Variants in KBTBD12 observed in about 807,000 individuals in gnomAD.
KBTBD12 encodes the protein kelch repeat and BTB domain-containing protein 12.
A neutral mutation model predicts 58.7 loss-of-function variants in KBTBD12; 53 were observed. The ratio of observed to expected loss-of-function variants is 0.90; its 90% CI spans 0.72 to 1.14. The LOEUF is 1.14. KBTBD12 is among the 50% of genes most tolerant of loss of function. The pLI is 0.00. For missense variants in KBTBD12, 704 were observed against 751.3 expected (o/e 0.94, Z 0.74); for synonymous variants, 236 against 259.8 (o/e 0.91, Z 0.88).
chr3:127,944,124 C>G (rs1321924404), intron 4 of KBTBD12, among the ~76,000 whole-genome samples: 2 of 152,136 alleles, frequency 1.3e-5, no homozygotes, highest in African/African-American at 4.8e-5. Context: ...GTTGGTGACT[C>G]TAACTTTGTT....
At chr3:127,937,240 G>C (rs1939849715) in intron 4 of KBTBD12, among the ~76,000 whole-genome samples, 1 of 152,016 alleles carries the variant, frequency 6.6e-6, no homozygotes, top group African/African-American at 2.4e-5. Flanking sequence ...CATACTGGAA[G>C]TGTCAGACAA....
intron 5 of KBTBD12, among the ~76,000 whole-genome samples, chr3:127,967,572 A>G (rs1456755998): frequency 6.6e-6 from 1 of 152,202 alleles, no homozygotes; most frequent in Admixed American, 6.5e-5. Context: ...AGGCAGAAGT[A>G]ATATAAAAAG....
intron 5 of KBTBD12, among the ~76,000 whole-genome samples, chr3:127,972,100 C>T (rs578066729): frequency 6.6e-6 from 1 of 152,174 alleles, no homozygotes; most frequent in Non-Finnish European, 1.5e-5. Context: ...CTGACAGTTA[C>T]CTGGTTACCC....
At chr3:127,945,914 A>G (rs866686019) in intron 4 of KBTBD12, among the ~76,000 whole-genome samples, 1 of 151,118 alleles carries the variant, frequency 6.6e-6, no homozygotes, top group Non-Finnish European at 1.5e-5. Context: ...CCTGGACTCA[A>G]ATGATCTGCC....
intron 5 of KBTBD12, among the ~76,000 whole-genome samples, chr3:127,965,878 C>A (rs1300483772): frequency 6.6e-6 from 1 of 152,024 alleles, no homozygotes; most frequent in Non-Finnish European, 1.5e-5. Context: ...TAACTGGCAA[C>A]AGAAAAAACA....
chr3:127,969,427 A>G (rs1428945730), intron 5 of KBTBD12, among the ~76,000 whole-genome samples: 1 of 152,206 alleles, frequency 6.6e-6, no homozygotes, highest in Non-Finnish European at 1.5e-5. Context: ...AAAATTCTAT[A>G]TAAATGGTAA....
At chr3:127,929,593 T>A (rs1681459521) in intron 3 of KBTBD12, among the ~76,000 whole-genome samples, 1 of 152,138 alleles carries the variant, frequency 6.6e-6, no homozygotes, top group South Asian at 2.1e-4. Flanking sequence ...TATTAGTCAA[T>A]AAATCTTGAA....
At chr3:127,963,478 C>T in intron 5 of KBTBD12, 92 bp downstream of exon 5, 2 of 1,194,654 alleles carry the variant, frequency 1.7e-6, no homozygotes, top group Non-Finnish European at 2.3e-6. Context: ...TTCCTGAGAG[C>T]AACGTGAGCA....
intron 4 of KBTBD12, among the ~76,000 whole-genome samples, chr3:127,951,931 T>C (rs1033931224): frequency 9.9e-5 from 15 of 151,910 alleles, no homozygotes; most frequent in Non-Finnish European, 2.1e-4. Context: ...ACTGTTTGAG[T>C]TCTCAGTAGT....
intron 1 of KBTBD12, among the ~76,000 whole-genome samples, chr3:127,916,767 A>G (rs765260680): frequency 1.3e-5 from 2 of 151,980 alleles, no homozygotes; most frequent in South Asian, 2.1e-4. Context: ...AAGCCAATAC[A>G]TGGCTTCAGT....
intron 4 of KBTBD12, among the ~76,000 whole-genome samples, chr3:127,952,542 A>T (rs1940229438): frequency 6.6e-6 from 1 of 152,344 alleles, no homozygotes; most frequent in Non-Finnish European, 1.5e-5. Flanking sequence ...TAGATTTTAC[A>T]TACAAGACTA....
chr3:127,927,875 G>T lies in KBTBD12; in HGVS notation c.1182G>T (p.Met394Ile), dbSNP rs776731737. The change falls in exon 3 of 6, where the codon ATG (methionine) becomes ATT (isoleucine). Residue 394 changes from methionine to isoleucine, a missense_variant. Transcript: ENST00000405109. The stretch of plus-strand genomic sequence containing the variant: ...ACCTTTATGTTATAGGAGGACAGAT[G>T]AAAATTAAAAACCAGTATCTTATTA... Reference protein sequence around the residue: ...HNDLYVIGGQMKIKNQYLITN... With the variant: ...HNDLYVIGGQIKIKNQYLITN... 3 of 1,613,420 alleles carry T rather than the reference G, an allele frequency of 1.9e-6. No individual in the cohort carries two copies. The highest frequency in any genetic ancestry group is 2.2e-5 in the South Asian group (2 of 91,038).
chr3:127,918,753 AG>A (rs1939322597), intron 1 of KBTBD12, among the ~76,000 whole-genome samples: 1 of 152,092 alleles, frequency 6.6e-6, no homozygotes, highest in Non-Finnish European at 1.5e-5. Context: ...AGCGTGTTAA[AG>A]GCCCATATGC....
Position 127,984,342 on chromosome 3 carries a change from A to C in KBTBD12, c.*64A>C. On this transcript the variant is annotated 3_prime_UTR_variant, in exon 6 of 6. Transcript: ENST00000405109. ...AAGGCCTTCAGAACGGAGAGGGCCC[A>C]CAGCATCTCTGTCATGCCAGTCATG... 1 of 1,431,708 alleles carries C rather than the reference A, an allele frequency of 7.0e-7. No individual in the cohort carries two copies. Among genetic ancestry groups the C allele is most frequent in the Non-Finnish European group, 9.7e-7 (1 of 1,033,258 alleles). The allele number at this position is 1,431,708 out of a possible 1,614,324, so 88.7% of individuals were successfully genotyped here.
At chr3:127,928,609 C>G (rs748280394) in intron 3 of KBTBD12, among the ~76,000 whole-genome samples, 2 of 152,212 alleles carry the variant, frequency 1.3e-5, no homozygotes, top group Non-Finnish European at 2.9e-5. Context: ...AGTGAAAAGT[C>G]AGGGGTGTGT....
intron 5 of KBTBD12, among the ~76,000 whole-genome samples, chr3:127,970,666 A>G (rs1163616581): frequency 1.3e-5 from 2 of 152,258 alleles, no homozygotes; most frequent in African/African-American, 2.4e-5. Flanking sequence ...CATTATGCTA[A>G]GTGAAAGAAG....
chr3:127,937,565 T>G (rs1194456965), intron 4 of KBTBD12, among the ~76,000 whole-genome samples: 1 of 151,798 alleles, frequency 6.6e-6, no homozygotes, highest in Non-Finnish European at 1.5e-5. Context: ...AGATGGGTAA[T>G]AGAGTGAGGG....
Position 127,985,221 on chromosome 3 carries a change from G to T in KBTBD12, c.*943G>T, listed in dbSNP as rs188420137. ...GCCACCCAAGCCAGGGACAGAGAAG[G>T]CTCTGGCTGAGGACAGGGGAAGAAG... On this transcript the variant is annotated 3_prime_UTR_variant, in exon 6 of 6. Coordinates refer to ENST00000405109, the MANE Select transcript of KBTBD12 (RefSeq NM_207335.4). 6.6e-6 allele frequency: 1 copy of T among 152,344 alleles called. No individual in the cohort carries two copies. Among genetic ancestry groups the T allele is most frequent in the Admixed American group, 6.5e-5 (1 of 15,300 alleles). 9.4% of individuals were successfully genotyped at this position (152,344 alleles called of 1,614,324 possible).
chr3:127,940,106 G>A (rs1939919787), intron 4 of KBTBD12, among the ~76,000 whole-genome samples: 2 of 152,106 alleles, frequency 1.3e-5, no homozygotes, highest in African/African-American at 4.8e-5. Context: ...CAAATTACAT[G>A]CAGTGAAATC....
Sources: allele counts gnomAD v4.1 joint callset (sites outside exome capture counted in the v4.1 genomes callset), GRCh38; gene constraint gnomAD v4.1.1; transcripts MANE v1.5; gene names NCBI Gene and HGNC (gene_info 2026-07-23, HGNC 2026-07-21).